The following ITGA4 variants were observed in gnomAD, a reference collection of about 807,000 sequenced individuals.
ITGA4 encodes integrin alpha-4.
A neutral mutation model predicts 133.6 loss-of-function variants in ITGA4; 63 were observed. That is an observed-to-expected ratio of 0.47 (90% CI 0.38 to 0.58). The LOEUF is 0.58. Among genes scored for constraint, ITGA4 ranks in the 20% least tolerant of loss-of-function variants. The probability of loss-of-function intolerance (pLI) is 0.00; values close to 1 mark genes in which losing one functional copy is unlikely to be tolerated. For missense variants in ITGA4, 1,076 were observed against 1,252.7 expected (o/e 0.86, Z 2.13); for synonymous variants, 483 against 438.0 (o/e 1.10, Z -1.28).
chr2:181,480,274 A>C lies in ITGA4; in HGVS notation c.754+8A>C. 1 of 1,355,854 alleles carries C rather than the reference A, an allele frequency of 7.4e-7. No individual in the cohort carries two copies. Among genetic ancestry groups the C allele is most frequent in the Admixed American group, 2.4e-5 (1 of 41,586 alleles). 84.0% of individuals were successfully genotyped at this position (1,355,854 alleles called of 1,614,324 possible). On this transcript the variant is annotated splice_region_variant and intron_variant, in intron 6 of 27. Coordinates refer to ENST00000397033, the MANE Select transcript of ITGA4 (RefSeq NM_000885.6). ...AATTTGGAAGTTATTTAGGTACTAT[A>C]AAAATTGACAAACTTAAATGATCTG...
chr2:181,482,749 T>A, intron 9 of ITGA4, 98 bp downstream of exon 9: 1 of 1,163,778 alleles, frequency 8.6e-7, no homozygotes, highest in Admixed American at 1.9e-5. Context: ...TCAGGTTTCT[T>A]TTATTGACAA....
In ITGA4 at chr2:181,457,797, A is replaced by G. The variant is rs1282310607; in HGVS notation, c.143A>G (p.His48Arg). 3.1e-6 allele frequency: 5 copies of G among 1,613,742 alleles called. 1 individual carries two copies. Among genetic ancestry groups the G allele is most frequent in the South Asian group, 2.2e-5 (2 of 91,048 alleles). The change falls in exon 1 of 28, where the codon CAC becomes CGC. Residue 48 changes from histidine (H) to arginine (R), a missense_variant. His to Arg is a conservative substitution (Grantham distance 29). Around this residue, in one of 4 missense-constraint regions of ITGA4, gnomAD observed 82 missense variants for 68.3 expected, o/e 1.20. Transcript: ENST00000397033. ...TESALLYQGPHNTLFGYSVVL... is the reference protein window; with the variant it reads ...TESALLYQGPRNTLFGYSVVL... ...AGCGCGCTGCTTTACCAGGGCCCCCACAACACGCTGTTCGGCTACTCGGTC... is the reference window on the plus strand; with the variant it reads ...AGCGCGCTGCTTTACCAGGGCCCCCGCAACACGCTGTTCGGCTACTCGGTC...
chr2:181,536,734 GACTTTCTGGA>G lies in ITGA4; in HGVS notation c.*1208_*1217del, dbSNP rs1370842916. ...TACTATATGAGGTTCTATTTTAAATGACTTTCTGGATTTTAAAAAATTTCTTTAAATACAA... is the reference window on the plus strand; with the variant it reads ...TACTATATGAGGTTCTATTTTAAATGTTTTAAAAAATTTCTTTAAATACAA... On this transcript the variant is annotated 3_prime_UTR_variant, in exon 28 of 28. Coordinates refer to ENST00000397033, the MANE Select transcript of ITGA4 (RefSeq NM_000885.6). 4.1e-6 allele frequency: 1 copy of G among 246,500 alleles called. No homozygotes were observed. The highest frequency in any genetic ancestry group is 2.3e-5 in the African/African-American group (1 of 43,520). The allele number at this position is 246,500 out of a possible 1,614,324, so 15.3% of individuals were successfully genotyped here.
chr2:181,534,966 T>G (rs201181591), intron 27 of ITGA4, 31 bp downstream of exon 27: 63 of 1,531,178 alleles, frequency 4.1e-5, no homozygotes, highest in Non-Finnish European at 5.2e-5. Context: ...AACATTAGTC[T>G]ACTAAAAATG....
chr2:181,475,551 T>A (rs2105726984), intron 4 of ITGA4, among the ~76,000 whole-genome samples: 1 of 152,308 alleles, frequency 6.6e-6, no homozygotes, highest in East Asian at 1.9e-4. Context: ...TCAAATTTAC[T>A]TTCAATTTGG....
At chr2:181,511,926 G>C in intron 17 of ITGA4, 151 bp downstream of exon 17, 1 of 524,368 alleles carries the variant, frequency 1.9e-6, no homozygotes, top group Non-Finnish European at 3.4e-6. Flanking sequence ...GTTTTTTATC[G>C]GCCAGAAAAC....
intron 26 of ITGA4, 82 bp from the exon 27 acceptor site, chr2:181,534,734 G>C (rs1687019224): frequency 1.7e-6 from 2 of 1,187,734 alleles, no homozygotes; most frequent in East Asian, 5.1e-5. Flanking sequence ...GATTATGGCA[G>C]GGCTTTAAAG....
chr2:181,481,896 C>A (rs1685813676), intron 7 of ITGA4, among the ~76,000 whole-genome samples: 1 of 152,046 alleles, frequency 6.6e-6, no homozygotes, highest in Non-Finnish European at 1.5e-5. Context: ...TCAAACGAGA[C>A]ATTGTTTTAA....
chr2:181,484,518 G>A (rs1319153492), intron 9 of ITGA4, among the ~76,000 whole-genome samples: 1 of 152,118 alleles, frequency 6.6e-6, no homozygotes, highest in Non-Finnish European at 1.5e-5. Context: ...GAGCCAAGCT[G>A]TTTTATCCCT....
Position 181,457,794 on chromosome 2 carries a change from C to T in ITGA4, c.140C>T (p.Pro47Leu). The T allele has an allele frequency of 6.2e-7, 1 of 1,613,778 alleles. No individual in the cohort carries two copies. The highest frequency in any genetic ancestry group is 8.5e-7 in the Non-Finnish European group (1 of 1,179,992). Residue 47 changes from proline (P) to leucine (L), a missense_variant, in exon 1 of 28, where the codon CCC becomes CTC. Physicochemically the swap from Pro to Leu is moderately conservative, Grantham distance 98 (BLOSUM62 -3). Around this residue, in one of 4 missense-constraint regions of ITGA4, gnomAD observed 82 missense variants for 68.3 expected, o/e 1.20. Transcript: ENST00000397033. Reference protein sequence around the residue: ...DTESALLYQGPHNTLFGYSVV... With the variant: ...DTESALLYQGLHNTLFGYSVV... ...GAGAGCGCGCTGCTTTACCAGGGCC[C>T]CCACAACACGCTGTTCGGCTACTCG...
At chr2:181,513,814 T>G (rs866139093) in intron 17 of ITGA4, among the ~76,000 whole-genome samples, 1 of 152,184 alleles carries the variant, frequency 6.6e-6, no homozygotes, top group Non-Finnish European at 1.5e-5. Context: ...CTTTTAAATC[T>G]CACCTGTTTC....
chr2:181,459,439 CTTTTGTA>C (rs1685212823), intron 2 of ITGA4: 1 of 134,872 alleles, frequency 7.4e-6, no homozygotes, highest in Admixed American at 7.5e-5. Context: ...TCTTTAACTT[CTTTTGTA>C]TTTTATAGTA....
Position 181,490,517 on chromosome 2 carries a change from GTGTGTGTGTC to G in ITGA4, c.1154-2798_1154-2789del, listed in dbSNP as rs1348601776. 1.1e-4 allele frequency among the ~76,000 whole-genome samples: 14 copies of G among 127,264 alleles called. 1 individual carries two copies. Among genetic ancestry groups the G allele is most frequent in the African/African-American group, 3.3e-4 (12 of 36,888 alleles). 83.5% of individuals were successfully genotyped at this position (127,264 alleles called of 152,430 possible). On this transcript the variant is annotated intron_variant, in intron 10 of 27. Transcript: ENST00000397033. ...TGTGTGTGTGTGTGTGTGTGTGTGT[GTGTGTGTGTC>G]TGTGTGTGTGAGAGAGAACCTCTTT...
chr2:181,458,033 C>T (rs1685170592), intron 1 of ITGA4, among the ~76,000 whole-genome samples, 163 bp from the exon 2 acceptor site: 1 of 151,932 alleles, frequency 6.6e-6, no homozygotes, highest in Non-Finnish European at 1.5e-5. Context: ...GGCAGCGCCC[C>T]GGGTGCGTTA....
rs1427706383 is a variant in ITGA4, at chr2:181,536,171, G to A, written c.*644G>A. The stretch of plus-strand genomic sequence containing the variant: ...GAACATGTACACTGGTTTGAGCTTA[G>A]TGAAATTACTTCTGGATAATTATTT... On this transcript the variant is annotated 3_prime_UTR_variant, in exon 28 of 28. Transcript: ENST00000397033. 3 of 151,750 alleles carry A rather than the reference G, an allele frequency of 2.0e-5. No individual in the cohort carries two copies. Among genetic ancestry groups the A allele is most frequent in the Non-Finnish European group, 4.4e-5 (3 of 67,922 alleles). The allele number at this position is 151,750 out of a possible 1,614,324, so 9.4% of individuals were successfully genotyped here.
At chr2:181,463,960 A>C (rs568855980) in intron 2 of ITGA4, among the ~76,000 whole-genome samples, 16 of 152,284 alleles carry the variant, frequency 1.1e-4, no homozygotes, top group African/African-American at 3.8e-4. Context: ...AGCTTTTAAC[A>C]GTTCTGGTGG....
intron 10 of ITGA4, among the ~76,000 whole-genome samples, chr2:181,492,292 T>C (rs186142858): frequency 6.6e-6 from 1 of 152,388 alleles, no homozygotes; most frequent in Admixed American, 6.5e-5. Context: ...TCTTTTTAAC[T>C]GAAAATAGAA....
Position 181,538,049 on chromosome 2 carries a change from A to C in ITGA4, c.*2522A>C, listed in dbSNP as rs750915127. 2 of 705,132 alleles carry C rather than the reference A, an allele frequency of 2.8e-6. No individual in the cohort carries two copies. Among genetic ancestry groups the C allele is most frequent in the Non-Finnish European group, 2.6e-6 (1 of 378,228 alleles). The allele number at this position is 705,132 out of a possible 1,614,324, so 43.7% of individuals were successfully genotyped here. A position where few individuals can be genotyped will look rare whatever the true frequency, so the allele number is the denominator to read the frequency against. ...AGGTGGAACAGTTCATCCTGAAACC[A>C]TTCCCCCATCCACGGAAAAATTGTC... On this transcript the variant is annotated 3_prime_UTR_variant, in exon 28 of 28. Transcript: ENST00000397033.
intron 15 of ITGA4, among the ~76,000 whole-genome samples, chr2:181,503,909 T>G (rs567688653): frequency 6.6e-6 from 1 of 152,192 alleles, no homozygotes; most frequent in East Asian, 1.9e-4. Context: ...TTTGAAGCAG[T>G]TTTGATTTAG....
Sources: gnomAD v4.1 joint callset for allele counts (sites outside exome capture counted in the v4.1 genomes callset) on GRCh38, gnomAD v4.1.1 for gene constraint, gnomAD v4.1.1 regional missense constraint, MANE v1.5 for transcripts, NCBI Gene and HGNC (gene_info 2026-07-23, HGNC 2026-07-21) for gene names.